KLHL7: variants seen among roughly 807,000 people sequenced by gnomAD.
KLHL7 encodes kelch like family member 7.
Under a neutral mutation model 67.4 loss-of-function variants are expected in KLHL7, and 44 were observed. The ratio of observed to expected loss-of-function variants is 0.65; its 90% CI spans 0.51 to 0.84. KLHL7 has a LOEUF of 0.84. Among genes scored for constraint, KLHL7 ranks in the 40% least tolerant of loss-of-function variants. The pLI is 0.00. For missense variants in KLHL7, 362 were observed against 718.1 expected (o/e 0.50, Z 5.67); for synonymous variants, 252 against 243.3 (o/e 1.04, Z -0.33).
rs1488482749 is a variant in KLHL7 at position 23,177,719 on chromosome 7, A to G, written c.*3421A>G. The G allele has an allele frequency of 6.6e-6, 1 of 152,224 alleles. No individual in the cohort carries two copies. The highest frequency in any genetic ancestry group is 1.5e-5 in the Non-Finnish European group (1 of 68,036). The allele number at this position is 152,224 out of a possible 1,614,324, so 9.4% of individuals were successfully genotyped here. A position where few individuals can be genotyped will look rare whatever the true frequency, so the allele number is the denominator to read the frequency against. ...TGCTTTCAAAAATCACAATTCGGTCAGAAAAGTTTAGCATCTTAAAAAAAT... is the reference window on the plus strand; with the variant it reads ...TGCTTTCAAAAATCACAATTCGGTCGGAAAAGTTTAGCATCTTAAAAAAAT... On this transcript the variant is annotated 3_prime_UTR_variant, in exon 11 of 11. Transcript: ENST00000339077.
At position 23,174,429 on chromosome 7, in the gene KLHL7, T is replaced by C. The variant is rs1241822393; in HGVS notation, c.*131T>C. 6.7e-6 allele frequency: 6 copies of C among 888,936 alleles called. No individual in the cohort carries two copies. The highest frequency in any genetic ancestry group is 1.1e-5 in the Non-Finnish European group (6 of 548,454). The allele number at this position is 888,936 out of a possible 1,614,324, so 55.1% of individuals were successfully genotyped here. On this transcript the variant is annotated 3_prime_UTR_variant, in exon 11 of 11. Coordinates refer to ENST00000339077, the MANE Select transcript of KLHL7 (RefSeq NM_001031710.3). ...AGTTTCAAGTGAAATGAGGTTCCTA[T>C]AAAATAGATGTTTCTTTTATATGGA... is the stretch of plus-strand genomic sequence containing the variant.
At chr7:23,163,629 A>G (rs187548291) in intron 7 of KLHL7, among the ~76,000 whole-genome samples, 2 of 152,350 alleles carry the variant, frequency 1.3e-5, no homozygotes, top group Admixed American at 1.3e-4. Flanking sequence ...AAAGGAAAGC[A>G]GTCTTGAGCT....
chr7:23,171,282 AG>A (rs1785153967), intron 9 of KLHL7: 1 of 162,164 alleles, frequency 6.2e-6, no homozygotes, highest in Non-Finnish European at 1.4e-5. Context: ...AATTTGTGAA[AG>A]TTTTTTCTAA....
chr7:23,124,272 A>C (rs1783478337), intron 2 of KLHL7, among the ~76,000 whole-genome samples: 1 of 151,058 alleles, frequency 6.6e-6, no homozygotes. Flanking sequence ...GAAGCAGATA[A>C]ATTTCATAAT....
chr7:23,169,867 A>C (rs889355236), intron 9 of KLHL7, among the ~76,000 whole-genome samples: 28 of 152,172 alleles, frequency 1.8e-4, no homozygotes, highest in Non-Finnish European at 3.5e-4. Flanking sequence ...AGCTAGTGTG[A>C]ATATAATTAT....
intron 1 of KLHL7, among the ~76,000 whole-genome samples, chr7:23,116,702 C>T (rs1018732285): frequency 5.3e-5 from 8 of 152,144 alleles, no homozygotes; most frequent in Admixed American, 2.0e-4. Flanking sequence ...TACTGCCAGC[C>T]GTCACTACTC....
chr7:23,153,818 G>C (rs1784613534), intron 7 of KLHL7, among the ~76,000 whole-genome samples: 2 of 152,204 alleles, frequency 1.3e-5, no homozygotes, highest in Admixed American at 6.5e-5. Flanking sequence ...TAGCTTTGCA[G>C]TTTACCCAGA....
intron 1 of KLHL7, among the ~76,000 whole-genome samples, chr7:23,107,114 C>A (rs1466090106): frequency 1.3e-5 from 2 of 152,174 alleles, no homozygotes; most frequent in Admixed American, 6.5e-5. Flanking sequence ...ATATTAACTT[C>A]TGGTTTCTAT....
chr7:23,114,666 C>CT (rs1205703035), intron 1 of KLHL7, among the ~76,000 whole-genome samples: 18 of 152,146 alleles, frequency 1.2e-4, no homozygotes, highest in African/African-American at 4.1e-4. Flanking sequence ...AATAACTGTT[C>CT]TTTTTTGTAT....
At chr7:23,143,384 A>G (rs866807039) in intron 5 of KLHL7, among the ~76,000 whole-genome samples, 1 of 152,214 alleles carries the variant, frequency 6.6e-6, no homozygotes, top group Admixed American at 6.5e-5. Flanking sequence ...AAAGCAGATA[A>G]GTCTATCCAT....
intron 6 of KLHL7, among the ~76,000 whole-genome samples, chr7:23,145,757 T>C (rs184208647): frequency 1.2e-4 from 19 of 152,342 alleles, no homozygotes; most frequent in Admixed American, 8.5e-4. Flanking sequence ...CTTTATTTTT[T>C]TGAGACAGAG....
At chr7:23,124,021 CAGCTGAT>C in intron 2 of KLHL7, 142 bp downstream of exon 2, 1 of 670,222 alleles carries the variant, frequency 1.5e-6, no homozygotes, top group South Asian at 1.7e-5. Flanking sequence ...AAAAAGTAGT[CAGCTGAT>C]AACCAAAGGA....
intron 1 of KLHL7, among the ~76,000 whole-genome samples, chr7:23,122,562 T>G (rs569367679): frequency 3.8e-4 from 58 of 152,278 alleles, no homozygotes; most frequent in Non-Finnish European, 7.4e-4. Flanking sequence ...AAAAATAGCT[T>G]TAGTTATAAA....
chr7:23,123,652 G>A (rs975303202), intron 1 of KLHL7, 125 bp from the exon 2 acceptor site: 59 of 690,404 alleles, frequency 8.5e-5, no homozygotes, highest in Admixed American at 3.8e-4. Context: ...GAAATTCTGC[G>A]CTGGAAAAAG....
chr7:23,135,411 C>A (rs1783942263), intron 4 of KLHL7, among the ~76,000 whole-genome samples: 2 of 152,078 alleles, frequency 1.3e-5, no homozygotes, highest in Admixed American at 1.3e-4. Flanking sequence ...TTCTATAGCT[C>A]TTAGATGAAA....
intron 1 of KLHL7, among the ~76,000 whole-genome samples, chr7:23,116,203 G>T (rs1783080758): frequency 6.6e-6 from 1 of 152,182 alleles, no homozygotes; most frequent in Non-Finnish European, 1.5e-5. Context: ...TTGTATCTAT[G>T]AATCCTGTCT....
intron 4 of KLHL7, among the ~76,000 whole-genome samples, chr7:23,128,009 A>G (rs1783641170): frequency 6.6e-6 from 1 of 151,834 alleles, no homozygotes; most frequent in African/African-American, 2.4e-5. Context: ...GCGCGCCTGC[A>G]GTCCAAGCTA....
rs780301529 is a variant in KLHL7 at position 23,106,073 on chromosome 7, A to G, written c.47A>G (p.Lys16Arg). The change falls in exon 1 of 11, where the codon AAG (lysine) becomes AGG (arginine). Residue 16 changes from lysine to arginine, a missense_variant. Coordinates refer to ENST00000339077, the MANE Select transcript of KLHL7 (RefSeq NM_001031710.3). ...VEKSSKKKTE[K>R]KLAAREEAKL... ...AAGAGCAGCAAGAAGAAGACCGAGA[A>G]GAAACTTGCTGCTCGGGAAGAAGCT... is the stretch of plus-strand genomic sequence containing the variant. The G allele has an allele frequency of 1.2e-6, 2 of 1,609,676 alleles. No homozygotes were observed. Among genetic ancestry groups the G allele is most frequent in the East Asian group, 4.5e-5 (2 of 44,738 alleles).
intron 7 of KLHL7, among the ~76,000 whole-genome samples, chr7:23,164,096 G>A (rs1482014773): frequency 6.6e-6 from 1 of 151,694 alleles, no homozygotes; most frequent in African/African-American, 2.4e-5. Context: ...CATCACTAGG[G>A]TAATGCCCAA....
Sources: gnomAD v4.1 joint callset for allele counts (sites outside exome capture counted in the v4.1 genomes callset) on GRCh38, gnomAD v4.1.1 for gene constraint, MANE v1.5 for transcripts, NCBI Gene and HGNC (gene_info 2026-07-23, HGNC 2026-07-21) for gene names.